PTPN12: variants seen among roughly 807,000 people sequenced by gnomAD.
PTPN12 encodes tyrosine-protein phosphatase non-receptor type 12.
PTPN12 carries 29 observed loss-of-function variants against 97.6 expected under a neutral mutation model. That is an observed-to-expected ratio of 0.30 (90% confidence interval 0.22 to 0.41). The LOEUF is 0.41. Ranked by LOEUF, PTPN12 falls within the 10% of genes least tolerant of loss-of-function variation. The probability of loss-of-function intolerance (pLI) is 1.00; values close to 1 mark genes in which losing one functional copy is unlikely to be tolerated. For synonymous variants in PTPN12, 327 were observed against 300.4 expected (o/e 1.09, Z -0.91); for missense variants, 819 against 926.0 (o/e 0.88, Z 1.50).
intron 6 of PTPN12, 57 bp from the exon 7 acceptor site, chr7:77,597,785 G>T (rs1331967618): frequency 2.6e-6 from 4 of 1,561,910 alleles, no homozygotes; most frequent in East Asian, 2.3e-5. Flanking sequence ...TATTTGTTTT[G>T]ATGTGTCTTT....
intron 1 of PTPN12, among the ~76,000 whole-genome samples, chr7:77,545,000 C>G (rs1807147825): frequency 1.3e-5 from 2 of 152,184 alleles, no homozygotes; most frequent in African/African-American, 4.8e-5. Flanking sequence ...AAGATAAGAG[C>G]TACATTGAAT....
In PTPN12 at chr7:77,625,565, CTTT is replaced by C. The variant is rs1179793825; in HGVS notation, c.1026-1119_1026-1117del. On this transcript the variant is annotated intron_variant, in intron 12 of 17. Transcript: ENST00000248594. ...GCGCTCTCTCTCTCGCTCTCTCTCT[CTTT>C]TTTTTTTTTTTTTTTTTTTTGGAGA... Among the ~76,000 whole-genome samples the C allele has an allele frequency of 2.1e-4, 5 of 24,152 alleles. 1 individual carries two copies. The highest frequency in any genetic ancestry group is 3.1e-4 in the Non-Finnish European group (5 of 15,996). 15.8% of individuals were successfully genotyped at this position (24,152 alleles called of 152,430 possible).
chr7:77,564,907 G>A (rs190757566), intron 1 of PTPN12, among the ~76,000 whole-genome samples: 30 of 147,430 alleles, frequency 2.0e-4, no homozygotes, highest in Admixed American at 1.9e-3. Context: ...ACAGGCATGC[G>A]CCACCATGCC....
intron 2 of PTPN12, among the ~76,000 whole-genome samples, chr7:77,573,873 G>A (rs1787246446): frequency 6.6e-6 from 1 of 152,166 alleles, no homozygotes. Context: ...CTATTTTCCT[G>A]CCTCAGCCTC....
intron 11 of PTPN12, 147 bp downstream of exon 11, chr7:77,611,193 C>T (rs1291742276): frequency 6.5e-6 from 4 of 611,776 alleles, no homozygotes; most frequent in Non-Finnish European, 1.2e-5. Flanking sequence ...TCATTTCCTT[C>T]TTATTCGTAT....
At position 77,592,266 on chromosome 7, in the gene PTPN12, C is replaced by A; in HGVS notation, c.492+10C>A. The A allele has an allele frequency of 1.3e-6, 2 of 1,599,912 alleles. No individual in the cohort carries two copies. Among genetic ancestry groups the A allele is most frequent in the Non-Finnish European group, 1.7e-6 (2 of 1,173,284 alleles). ...ATTTAAAATTTCTTGTGTAAGTATC[C>A]ATTTTTGTAAACACTTTTTTCAGAA... On this transcript the variant is annotated intron_variant, in intron 6 of 17. Transcript: ENST00000248594.
At chr7:77,634,650 A>G (rs183271311) in intron 14 of PTPN12, among the ~76,000 whole-genome samples, 33 of 151,878 alleles carry the variant, frequency 2.2e-4, no homozygotes, top group African/African-American at 7.7e-4. Flanking sequence ...TCACCGTGTT[A>G]GCCAGGATGG....
Position 77,582,130 on chromosome 7 carries a change from T to C in PTPN12, c.285+627T>C, listed in dbSNP as rs1584142505. 2.2e-5 allele frequency among the ~76,000 whole-genome samples: 3 copies of C among 133,360 alleles called. No homozygotes were observed. In the Admixed American group the frequency reaches 2.4e-4, roughly 11 times the overall value. 87.5% of individuals were successfully genotyped at this position (133,360 alleles called of 152,430 possible). ...TTTTTTTTGAGACGGAGTCTCGCTCTGTCTCCCAGTCTGGAGTGCAGTGGC... is the reference window on the plus strand; with the variant it reads ...TTTTTTTTGAGACGGAGTCTCGCTCCGTCTCCCAGTCTGGAGTGCAGTGGC... On this transcript the variant is annotated intron_variant, in intron 3 of 17. Coordinates refer to ENST00000248594, the MANE Select transcript of PTPN12 (RefSeq NM_002835.4).
chr7:77,637,945 ATTTTTT>A (rs754842372), intron 16 of PTPN12, among the ~76,000 whole-genome samples: 1 of 66,786 alleles, frequency 1.5e-5, no homozygotes, highest in Non-Finnish European at 2.7e-5. Flanking sequence ...ATTTCTTAAA[ATTTTTT>A]TTTTTTTTTT....
chr7:77,579,919 GAA>G (rs1221122934), intron 2 of PTPN12, among the ~76,000 whole-genome samples: 3 of 152,216 alleles, frequency 2.0e-5, no homozygotes, highest in African/African-American at 7.2e-5. Context: ...TGTCAGTGAT[GAA>G]AAGTTTGGTA....
At chr7:77,624,822 T>C (rs1789075965) in intron 12 of PTPN12, among the ~76,000 whole-genome samples, 1 of 151,606 alleles carries the variant, frequency 6.6e-6, no homozygotes, top group Non-Finnish European at 1.5e-5. Context: ...GTTGATCACC[T>C]GGGGGGAGAA....
chr7:77,615,087 TC>T (rs1405245463), intron 11 of PTPN12, among the ~76,000 whole-genome samples: 1 of 152,188 alleles, frequency 6.6e-6, no homozygotes, highest in East Asian at 1.9e-4. Flanking sequence ...TAAGCAAACA[TC>T]TGTTAAGTTG....
At chr7:77,625,468 G>GCGCTCTCTCTCTCT (rs1218191468) in intron 12 of PTPN12, among the ~76,000 whole-genome samples, 27 of 24,748 alleles carry the variant, frequency 1.1e-3, no homozygotes, top group Non-Finnish European at 1.2e-3. Flanking sequence ...TGCCCAGGCT[G>GCGCTCTCTCTCTCT]CTCGCTCTCT....
chr7:77,631,155 G>A (rs914912209), intron 13 of PTPN12, among the ~76,000 whole-genome samples: 2 of 152,238 alleles, frequency 1.3e-5, no homozygotes, highest in East Asian at 1.9e-4. Context: ...GAGACATATG[G>A]TGATGACTCA....
chr7:77,576,405 A>G (rs1239458455), intron 2 of PTPN12, among the ~76,000 whole-genome samples: 1 of 152,152 alleles, frequency 6.6e-6, no homozygotes, highest in African/African-American at 2.4e-5. Context: ...ATGCTTAATA[A>G]GAGCACCAAT....
chr7:77,592,222 AC>A lies in PTPN12; in HGVS notation c.462del (p.Ile155Ter), dbSNP rs1562734248. On this transcript the variant is annotated frameshift_variant, in exon 6 of 18. Transcript: ENST00000248594. LOFTEE classifies it high-confidence loss of function. ...CERYWPLYGE[D>X]PITFAPFKIS... is the part of the protein sequence containing the mutation. ...CGCTATTGGCCTTTGTATGGAGAAGACCCCATAACGTTTGCACCATTTAAAA... is the reference window on the plus strand; with the variant it reads ...CGCTATTGGCCTTTGTATGGAGAAGACCCATAACGTTTGCACCATTTAAAA... 1 of 1,606,434 alleles carries A rather than the reference AC, an allele frequency of 6.2e-7. No homozygotes were observed. Among genetic ancestry groups the A allele is most frequent in the Non-Finnish European group, 8.5e-7 (1 of 1,178,096 alleles).
intron 11 of PTPN12, among the ~76,000 whole-genome samples, chr7:77,613,679 AC>A (rs970206936): frequency 6.6e-6 from 1 of 151,448 alleles, no homozygotes; most frequent in South Asian, 2.1e-4. Context: ...ACATGGCAAA[AC>A]CCCGTCTCTA....
intron 1 of PTPN12, among the ~76,000 whole-genome samples, chr7:77,564,754 T>TTTTTG (rs1808175838): frequency 1.6e-5 from 1 of 61,296 alleles, no homozygotes; most frequent in Non-Finnish European, 3.0e-5. Context: ...GTGTTTTTTT[T>TTTTTG]TTTTTTTTTT....
At chr7:77,541,189 T>C (rs1029820979) in intron 1 of PTPN12, among the ~76,000 whole-genome samples, 13 of 152,194 alleles carry the variant, frequency 8.5e-5, no homozygotes, top group African/African-American at 3.1e-4. Flanking sequence ...CTCCCTGGGC[T>C]CAGGTGATCC....
Sources: gnomAD v4.1 joint callset for allele counts (sites outside exome capture counted in the v4.1 genomes callset) on GRCh38, gnomAD v4.1.1 for gene constraint, MANE v1.5 for transcripts, NCBI Gene and HGNC (gene_info 2026-07-23, HGNC 2026-07-21) for gene names.